Variants in GRID2 observed in about 807,000 individuals in gnomAD.
The protein encoded by GRID2 is glutamate receptor ionotropic, delta-2.
GRID2 carries 33 observed loss-of-function variants against 114.8 expected under a neutral mutation model. The ratio of observed to expected loss-of-function variants is 0.29; its 90% CI spans 0.22 to 0.38. The LOEUF (loss-of-function observed/expected upper bound fraction) is 0.38, where lower values mean the gene tolerates loss of function less well. Ranked by LOEUF, GRID2 falls within the 10% of genes least tolerant of loss-of-function variation. The pLI, the probability that GRID2 is intolerant of heterozygous loss-of-function variation, is 1.00. For synonymous variants in GRID2, 505 were observed against 449.9 expected (o/e 1.12, Z -1.55); for missense variants, 1,184 against 1,257.7 (o/e 0.94, Z 0.89).
rs530973082 is a variant in GRID2, at chr4:92,514,599, T to G, written c.89-75532T>G. On this transcript the variant is annotated intron_variant, in intron 1 of 15. Coordinates refer to ENST00000282020, the MANE Select transcript of GRID2 (RefSeq NM_001510.4). ...ATGTGTCCTCACTGACTTCACAAGTTTTCACAATGAAGAATGATCATATAA... is the reference window on the plus strand; with the variant it reads ...ATGTGTCCTCACTGACTTCACAAGTGTTCACAATGAAGAATGATCATATAA... Among the ~76,000 whole-genome samples, 24 of 152,036 alleles carry G rather than the reference T, an allele frequency of 1.6e-4. No homozygotes were observed. In the South Asian group the frequency reaches 5.0e-3, roughly 31 times the overall value.
intron 1 of GRID2, among the ~76,000 whole-genome samples, chr4:92,352,573 G>C (rs1728121309): frequency 6.6e-6 from 1 of 151,772 alleles, no homozygotes; most frequent in Non-Finnish European, 1.5e-5. Flanking sequence ...GTTATTTTCT[G>C]CTTTTTGTGT....
intron 7 of GRID2, among the ~76,000 whole-genome samples, chr4:93,237,552 T>C (rs1460539191): frequency 6.6e-6 from 1 of 151,914 alleles, no homozygotes; most frequent in African/African-American, 2.4e-5. Context: ...TAAATAAATG[T>C]CATTACCAGG....
At chr4:93,050,650 A>T (rs768569023) in intron 2 of GRID2, among the ~76,000 whole-genome samples, 3 of 151,988 alleles carry the variant, frequency 2.0e-5, no homozygotes, top group Non-Finnish European at 4.4e-5. Context: ...TCATTTTTAG[A>T]TATTTACATT....
At chr4:92,740,896 G>C (rs1435512531) in intron 2 of GRID2, among the ~76,000 whole-genome samples, 1 of 152,040 alleles carries the variant, frequency 6.6e-6, no homozygotes, top group African/African-American at 2.4e-5. Context: ...ACAGGTGCCT[G>C]CCACCATGCC....
chr4:93,697,096 A>G lies in GRID2; in HGVS notation c.2360+70661A>G, dbSNP rs117034651. Among the ~76,000 whole-genome samples, 1,479 of 152,326 alleles carry G rather than the reference A, an allele frequency of 9.7e-3. 50 individuals carry two copies. The highest frequency in any genetic ancestry group is 0.052 in the Admixed American group (797 of 15,294). Reference sequence around the variant, plus strand: ...ATTATTCAATGGTTTTACAAATATTAGGCAATTCAAATTTGGATATTTGAT... The same window carrying G: ...ATTATTCAATGGTTTTACAAATATTGGGCAATTCAAATTTGGATATTTGAT... On this transcript the variant is annotated intron_variant, in intron 14 of 15. Coordinates refer to ENST00000282020, the MANE Select transcript of GRID2 (RefSeq NM_001510.4).
intron 1 of GRID2, among the ~76,000 whole-genome samples, chr4:92,344,903 T>A (rs1419181772): frequency 3.3e-5 from 5 of 152,100 alleles, no homozygotes; most frequent in Non-Finnish European, 7.4e-5. Context: ...ATTATCTCAA[T>A]AGTTTTGTGG....
intron 2 of GRID2, among the ~76,000 whole-genome samples, chr4:92,829,744 A>G (rs1741970839): frequency 6.6e-6 from 1 of 152,180 alleles, no homozygotes; most frequent in Non-Finnish European, 1.5e-5. Context: ...ATGGAATACT[A>G]TGCAGGCATA....
At position 93,626,582 on chromosome 4, in the gene GRID2, T is replaced by C. The variant is rs377707318; in HGVS notation, c.2360+147T>C. 5.6e-4 allele frequency: 306 copies of C among 544,704 alleles called. 2 individuals carry two copies. Among genetic ancestry groups the C allele is most frequent in the African/African-American group, 4.5e-3 (232 of 51,298 alleles). The allele number at this position is 544,704 out of a possible 1,614,324, so 33.7% of individuals were successfully genotyped here. Reference sequence around the variant, plus strand: ...CAACAACAAAAAAGATAGTTATAAGTAGTTGTTCAATAAGACACTCATTAC... The same window carrying C: ...CAACAACAAAAAAGATAGTTATAAGCAGTTGTTCAATAAGACACTCATTAC... On this transcript the variant is annotated intron_variant, in intron 14 of 15. Coordinates refer to ENST00000282020, the MANE Select transcript of GRID2 (RefSeq NM_001510.4).
At chr4:93,065,569 A>C (rs912942538) in intron 2 of GRID2, among the ~76,000 whole-genome samples, 8 of 151,926 alleles carry the variant, frequency 5.3e-5, no homozygotes, top group Admixed American at 4.6e-4. Context: ...TACTAAAAGA[A>C]GATATGCAAG....
At chr4:93,798,915 CT>C (rs1734862965) in intron 1 of GRID2, among the ~76,000 whole-genome samples, 1 of 152,122 alleles carries the variant, frequency 6.6e-6, no homozygotes, top group African/African-American at 2.4e-5. Flanking sequence ...ACACCAGTTC[CT>C]GTCTTGTACA....
chr4:92,943,522 G>C (rs1212287760), intron 2 of GRID2, among the ~76,000 whole-genome samples: 1 of 151,682 alleles, frequency 6.6e-6, no homozygotes, highest in Admixed American at 6.6e-5. Flanking sequence ...CCATGGGTTC[G>C]AACTTCCTCC....
At chr4:92,856,519 C>T (rs1319194964) in intron 2 of GRID2, among the ~76,000 whole-genome samples, 1 of 152,130 alleles carries the variant, frequency 6.6e-6, no homozygotes, top group Admixed American at 6.6e-5. Context: ...CATTTTTCAA[C>T]ACTTTTTTTC....
At chr4:93,674,928 G>A (rs78350174) in intron 14 of GRID2, among the ~76,000 whole-genome samples, 4,658 of 152,112 alleles carry the variant, frequency 0.031, 111 homozygotes, top group African/African-American at 0.062. Context: ...TAAATGGATG[G>A]AAGAGGGGGG....
At chr4:92,740,717 TAGATAGATAG>T (rs1736844320) in intron 2 of GRID2, among the ~76,000 whole-genome samples, 1 of 145,682 alleles carries the variant, frequency 6.9e-6, no homozygotes, top group African/African-American at 2.7e-5. Context: ...GATAGATAGA[TAGATAGATAG>T]ATAGATAGAT....
At chr4:92,494,142 A>G (rs977846728) in intron 1 of GRID2, among the ~76,000 whole-genome samples, 4 of 152,216 alleles carry the variant, frequency 2.6e-5, no homozygotes, top group East Asian at 1.9e-4. Flanking sequence ...TGCTTTGCCT[A>G]TATTACCAAG....
At chr4:93,591,257 T>C (rs1367457904) in intron 13 of GRID2, among the ~76,000 whole-genome samples, 2 of 151,828 alleles carry the variant, frequency 1.3e-5, no homozygotes, top group Admixed American at 6.6e-5. Flanking sequence ...TGAGAGTTTT[T>C]AGCATGAAAA....
chr4:93,735,395 A>G lies in GRID2; in HGVS notation c.2361-33815A>G, dbSNP rs140612612. Among the ~76,000 whole-genome samples, 74 of 152,082 alleles carry G rather than the reference A, an allele frequency of 4.9e-4. 1 individual carries two copies. The East Asian group carries it at 9.9e-3, about 20-fold the overall frequency. ...GAAAGTTTTATGTATACAACCAACAATTCATTTTCCACATGTAATTTTATT... is the reference window on the plus strand; with the variant it reads ...GAAAGTTTTATGTATACAACCAACAGTTCATTTTCCACATGTAATTTTATT... On this transcript the variant is annotated intron_variant, in intron 14 of 15. Transcript: ENST00000282020.
chr4:92,799,918 T>C (rs1017675179), intron 2 of GRID2, among the ~76,000 whole-genome samples: 2 of 152,026 alleles, frequency 1.3e-5, no homozygotes, highest in African/African-American at 4.8e-5. Flanking sequence ...CTAGGGATGC[T>C]TAAACAATCA....
At chr4:93,325,295 A>G (rs1019214264) in intron 8 of GRID2, among the ~76,000 whole-genome samples, 1 of 152,030 alleles carries the variant, frequency 6.6e-6, no homozygotes, top group Non-Finnish European at 1.5e-5. Flanking sequence ...TTCTTCCTAC[A>G]TGGAACTTAT....
Sources: gnomAD v4.1 joint callset for allele counts (sites outside exome capture counted in the v4.1 genomes callset) on GRCh38, gnomAD v4.1.1 for gene constraint, MANE v1.5 for transcripts, NCBI Gene and HGNC (gene_info 2026-07-23, HGNC 2026-07-21) for gene names.